ZNF573: variants seen among roughly 807,000 people sequenced by gnomAD.
ZNF573 encodes zinc finger protein 573.
In ZNF573, 41 loss-of-function variants were observed where a neutral mutation model predicts 57.4. That is an observed-to-expected ratio of 0.71 (90% CI 0.56 to 0.93). The LOEUF (loss-of-function observed/expected upper bound fraction) is 0.93. Ranked by LOEUF, ZNF573 falls within the 40% of genes least tolerant of loss-of-function variation. ZNF573 has a pLI of 0.00. For missense variants in ZNF573, 730 were observed against 794.8 expected, an observed-to-expected ratio of 0.92 and a Z score of 0.98; for synonymous variants, 249 against 261.0, an observed-to-expected ratio of 0.95 and a Z score of 0.44.
intron 4 of ZNF573, among the ~76,000 whole-genome samples, chr19:37,756,481 G>T (rs547323665): frequency 8.5e-5 from 13 of 152,094 alleles, no homozygotes; most frequent in Admixed American, 2.6e-4. Flanking sequence ...CTGGTCTAAG[G>T]GGGCAGGCTT....
chr19:37,757,354 G>A (rs1434209730), intron 4 of ZNF573, among the ~76,000 whole-genome samples: 4 of 151,916 alleles, frequency 2.6e-5, no homozygotes, highest in Admixed American at 6.6e-5. Context: ...CCGCCACCGC[G>A]CCCGGCTAAT....
chr19:37,738,947 G>A lies in ZNF573; in HGVS notation c.1543C>T (p.Gln515Ter). The A allele has an allele frequency of 6.2e-6, 10 of 1,610,722 alleles. No individual in the cohort carries two copies. The highest frequency in any genetic ancestry group is 8.5e-6 in the Non-Finnish European group (10 of 1,177,158). Residue 515 changes from glutamine (Q) to a stop codon, truncating the protein, a stop_gained, in exon 5 of 5, where the codon CAA becomes TAA. Coordinates refer to ENST00000536220, the MANE Select transcript of ZNF573 (RefSeq NM_001172690.2). LOFTEE classifies it high-confidence loss of function. ...ATACCAGTATGAATTTTCTGATGTTGATTAAGATATCCATGCAAGCTAAAG... is the reference window on the plus strand; with the variant it reads ...ATACCAGTATGAATTTTCTGATGTTAATTAAGATATCCATGCAAGCTAAAG... ...KTFSLHGYLNQHQKIHTGMKP... is the reference protein window; with the variant it reads ...KTFSLHGYLN
At chr19:37,765,453 G>A (rs1438910941) in intron 4 of ZNF573, among the ~76,000 whole-genome samples, 2 of 151,614 alleles carry the variant, frequency 1.3e-5, no homozygotes, top group African/African-American at 2.4e-5. Context: ...GCTCATGACT[G>A]TAATCCCAGC....
chr19:37,750,580 T>A (rs902917800), intron 4 of ZNF573, among the ~76,000 whole-genome samples: 8 of 151,998 alleles, frequency 5.3e-5, no homozygotes, highest in Admixed American at 2.0e-4. Flanking sequence ...AGGAAAAAAA[T>A]CGTATGAATT....
chr19:37,770,969 C>T (rs1312326207), intron 3 of ZNF573, among the ~76,000 whole-genome samples: 1 of 148,812 alleles, frequency 6.7e-6, no homozygotes, highest in Admixed American at 6.8e-5. Context: ...AAAAAAGCAT[C>T]CCGACTGATA....
chr19:37,744,351 GAGA>G (rs1422407045), intron 4 of ZNF573, among the ~76,000 whole-genome samples: 1 of 151,972 alleles, frequency 6.6e-6, no homozygotes, highest in African/African-American at 2.4e-5. Flanking sequence ...TGGTTTGAAT[GAGA>G]AGGAGGGAGC....
chr19:37,764,321 T>TG (rs991294827), intron 4 of ZNF573, among the ~76,000 whole-genome samples: 59 of 151,388 alleles, frequency 3.9e-4, no homozygotes, highest in African/African-American at 1.3e-3. Flanking sequence ...GTTTTTTTTT[T>TG]TTGTTGTTTT....
intron 2 of ZNF573, among the ~76,000 whole-genome samples, chr19:37,772,266 T>C (rs1042661487): frequency 6.6e-6 from 1 of 152,050 alleles, no homozygotes. Flanking sequence ...TTCAAGTAGT[T>C]GGTACTACAG....
intron 3 of ZNF573, chr19:37,770,314 G>A (rs973662983): frequency 1.7e-5 from 7 of 406,466 alleles, no homozygotes; most frequent in African/African-American, 1.3e-4. Context: ...CTTATAAAAT[G>A]TCTCTTTCCA....
intron 4 of ZNF573, among the ~76,000 whole-genome samples, chr19:37,746,354 C>T (rs1194812353): frequency 2.6e-5 from 4 of 152,064 alleles, no homozygotes; most frequent in Non-Finnish European, 1.5e-5. Flanking sequence ...TGAATAGATA[C>T]AGAAATAAAT....
At chr19:37,771,528 A>T (rs747067735) in intron 3 of ZNF573, 36 bp downstream of exon 3, 28 of 1,598,016 alleles carry the variant, frequency 1.8e-5, no homozygotes, top group Non-Finnish European at 2.3e-5. Flanking sequence ...CATATCACAG[A>T]TCACATTTTA....
intron 4 of ZNF573, among the ~76,000 whole-genome samples, chr19:37,745,761 A>G (rs2045376501): frequency 6.6e-6 from 1 of 152,236 alleles, no homozygotes; most frequent in South Asian, 2.1e-4. Flanking sequence ...ATGTACATAG[A>G]GGATTTCTTA....
At chr19:37,764,317 T>C (rs564971781) in intron 4 of ZNF573, among the ~76,000 whole-genome samples, 2 of 151,476 alleles carry the variant, frequency 1.3e-5, no homozygotes, top group South Asian at 4.2e-4. Context: ...TTTTGTTTTT[T>C]TTTTTTGTTG....
At position 37,771,567 on chromosome 19, in the gene ZNF573, G is replaced by A. The variant is rs2045659137; in HGVS notation, c.199C>T (p.Leu67=). Residue 67 remains leucine (L), a synonymous_variant, in exon 3 of 5, where the codon CTG becomes TTG. Transcript: ENST00000536220. The part of the protein sequence containing the change: ...MLENYRNLVS[L]GGHSISKPVV... Reference sequence around the variant, plus strand: ...TACTTGAGGCAAATAAACTTACCCAGTGATACCAGGTTTCTATAGTTCTCC... The same window carrying A: ...TACTTGAGGCAAATAAACTTACCCAATGATACCAGGTTTCTATAGTTCTCC... 3 of 1,610,060 alleles carry A rather than the reference G, an allele frequency of 1.9e-6. No homozygotes were observed. The highest frequency in any genetic ancestry group is 2.5e-6 in the Non-Finnish European group (3 of 1,178,290).
intron 4 of ZNF573, among the ~76,000 whole-genome samples, chr19:37,759,414 T>A (rs1021985634): frequency 6.6e-6 from 1 of 152,188 alleles, no homozygotes; most frequent in Admixed American, 6.5e-5. Flanking sequence ...AAACTATCAT[T>A]TTTCAAATTT....
At chr19:37,746,874 G>A (rs1244576746) in intron 4 of ZNF573, among the ~76,000 whole-genome samples, 1 of 152,148 alleles carries the variant, frequency 6.6e-6, no homozygotes, top group Admixed American at 6.6e-5. Flanking sequence ...GTGAGCCACC[G>A]TGCCCAGCTG....
At position 37,738,722 on chromosome 19, in the gene ZNF573, C is replaced by T. The variant is rs758496227; in HGVS notation, c.1768G>A (p.Ala590Thr). The change falls in exon 5 of 5, where the codon GCC becomes ACC. Residue 590 changes from alanine (A) to threonine (T), a missense_variant. Ala to Thr is a moderately conservative substitution (Grantham distance 58). Transcript: ENST00000536220. ...GTAAGGTAGCCATACATTTTAAAGGCCTTTCCACATTCTTTACATTCATAG... is the reference window on the plus strand; with the variant it reads ...GTAAGGTAGCCATACATTTTAAAGGTCTTTCCACATTCTTTACATTCATAG... ...KPYECKECGK[A>T]FKMYGYLTQH... 1.9e-6 allele frequency: 3 copies of T among 1,612,928 alleles called. No homozygotes were observed. Among genetic ancestry groups the T allele is most frequent in the African/African-American group, 2.7e-5 (2 of 74,782 alleles).
intron 4 of ZNF573, among the ~76,000 whole-genome samples, chr19:37,758,202 A>AATAT (rs550290940): frequency 7.0e-4 from 12 of 17,162 alleles, no homozygotes; most frequent in Admixed American, 1.6e-3. Flanking sequence ...AGTATAATAA[A>AATAT]ATATATATAT....
At chr19:37,769,599 G>C (rs978128057) in intron 4 of ZNF573, among the ~76,000 whole-genome samples, 2 of 151,410 alleles carry the variant, frequency 1.3e-5, no homozygotes, top group African/African-American at 4.8e-5. Flanking sequence ...GGTGGCACAC[G>C]CCTGTAATTC....
Sources: allele counts gnomAD v4.1 joint callset (sites outside exome capture counted in the v4.1 genomes callset), GRCh38; gene constraint gnomAD v4.1.1; transcripts MANE v1.5; gene names NCBI Gene and HGNC (gene_info 2026-07-23, HGNC 2026-07-21).